Variants in GRID1 observed in about 807,000 individuals in gnomAD.
GRID1 encodes the protein glutamate ionotropic receptor delta type subunit 1, also known as glutamate receptor ionotropic, delta-1.
GRID1 carries 28 observed loss-of-function variants against 98.0 expected under a neutral mutation model. The ratio of observed to expected loss-of-function variants is 0.29; its 90% confidence interval spans 0.21 to 0.39. GRID1 has a LOEUF of 0.39. Ranked by LOEUF, GRID1 falls within the 10% of genes least tolerant of loss-of-function variation. GRID1 has a pLI of 1.00. For synonymous variants in GRID1, 553 were observed against 538.5 expected, an observed-to-expected ratio of 1.03 and a Z score of -0.37; for missense variants, 1,111 against 1,340.5, an observed-to-expected ratio of 0.83 and a Z score of 2.67.
At chr10:86,322,515 A>C (rs1431400801) in intron 2 of GRID1, among the ~76,000 whole-genome samples, 4 of 151,814 alleles carry the variant, frequency 2.6e-5, no homozygotes, top group African/African-American at 9.7e-5. Context: ...GGTTCAAGTG[A>C]TTCTCCTGCC....
chr10:85,605,860 C>A (rs1178146825), intron 15 of GRID1: 4 of 152,200 alleles, frequency 2.6e-5, no homozygotes, highest in Non-Finnish European at 5.9e-5. Context: ...GCCAGGGAAA[C>A]AAACATGGGA....
chr10:85,668,401 T>C (rs1841047901), intron 12 of GRID1, among the ~76,000 whole-genome samples: 1 of 152,146 alleles, frequency 6.6e-6, no homozygotes. Context: ...AGCTCTGAAG[T>C]GGAAGCAGGA....
rs1413248742 is a variant in GRID1 at position 86,330,034 on chromosome 10, A to G, written c.235+33907T>C. 3.3e-5 allele frequency among the ~76,000 whole-genome samples: 5 copies of G among 151,126 alleles called. No individual in the cohort carries two copies. In the East Asian group the frequency reaches 9.7e-4, roughly 29 times the overall value. Reference sequence around the variant, plus strand: ...TAGCCAGCAGGACTTTCCTCCCCTCATTGCCTCCCCACAAAGTCCTTCCCC... The same window carrying G: ...TAGCCAGCAGGACTTTCCTCCCCTCGTTGCCTCCCCACAAAGTCCTTCCCC... On this transcript the variant is annotated intron_variant, in intron 2 of 15. Transcript: ENST00000327946.
intron 12 of GRID1, among the ~76,000 whole-genome samples, chr10:85,655,476 T>C (rs1313575875): frequency 6.6e-6 from 1 of 152,222 alleles, no homozygotes. Flanking sequence ...GTTCATGTTT[T>C]CTGGAAGAAT....
At chr10:85,609,123 T>C (rs1842704983) in intron 15 of GRID1, among the ~76,000 whole-genome samples, 1 of 152,182 alleles carries the variant, frequency 6.6e-6, no homozygotes, top group Non-Finnish European at 1.5e-5. Context: ...TTTGACAAGC[T>C]TGCGCCTGGG....
chr10:85,832,589 C>T (rs1023218155), intron 8 of GRID1, among the ~76,000 whole-genome samples: 3 of 152,012 alleles, frequency 2.0e-5, no homozygotes, highest in African/African-American at 7.3e-5. Context: ...CTGCTATGTA[C>T]AACTACAAAC....
At chr10:85,874,824 C>A (rs1421563287) in intron 5 of GRID1, among the ~76,000 whole-genome samples, 1 of 152,002 alleles carries the variant, frequency 6.6e-6, no homozygotes, top group Non-Finnish European at 1.5e-5. Flanking sequence ...TGAATATTGG[C>A]TATTTTTAAT....
At chr10:85,899,100 A>G (rs143959195) in intron 5 of GRID1, among the ~76,000 whole-genome samples, 47 of 152,314 alleles carry the variant, frequency 3.1e-4, no homozygotes, top group Middle Eastern at 6.8e-3. Context: ...CTGCTGTTGT[A>G]CATAGGGTTC....
chr10:85,889,294 T>A (rs1434196823), intron 5 of GRID1, among the ~76,000 whole-genome samples: 1 of 151,562 alleles, frequency 6.6e-6, no homozygotes, highest in East Asian at 1.9e-4. Context: ...AGAAAAGGAG[T>A]TTCAATTTTG....
intron 2 of GRID1, among the ~76,000 whole-genome samples, chr10:86,292,828 G>A (rs1307976908): frequency 6.6e-6 from 1 of 151,980 alleles, no homozygotes; most frequent in African/African-American, 2.4e-5. Flanking sequence ...ACGTGAGTTT[G>A]TGTGGGACTG....
intron 5 of GRID1, among the ~76,000 whole-genome samples, chr10:85,912,776 C>T (rs554146314): frequency 6.6e-6 from 1 of 152,214 alleles, no homozygotes; most frequent in Non-Finnish European, 1.5e-5. Flanking sequence ...GAAAGTGAGC[C>T]AGTAAATGCC....
intron 12 of GRID1, among the ~76,000 whole-genome samples, chr10:85,696,293 G>C (rs1188568658): frequency 1.3e-5 from 2 of 151,790 alleles, no homozygotes. Context: ...AAAGTATAGG[G>C]TCTATGACAT....
chr10:85,776,175 T>G (rs1842329229), intron 8 of GRID1, among the ~76,000 whole-genome samples: 1 of 152,142 alleles, frequency 6.6e-6, no homozygotes, highest in African/African-American at 2.4e-5. Context: ...AGGAAATGGT[T>G]GGTGTAAGGC....
intron 8 of GRID1, among the ~76,000 whole-genome samples, chr10:85,776,205 G>C (rs1417612945): frequency 6.6e-6 from 1 of 152,060 alleles, no homozygotes; most frequent in East Asian, 1.9e-4. Flanking sequence ...TCCAAGAGAA[G>C]ACTACAAAGA....
intron 12 of GRID1, among the ~76,000 whole-genome samples, chr10:85,653,850 C>T (rs1252482505): frequency 8.5e-5 from 13 of 152,130 alleles, no homozygotes; most frequent in Admixed American, 8.5e-4. Context: ...AAGGTGCACA[C>T]CAAATGCAGC....
intron 3 of GRID1, among the ~76,000 whole-genome samples, chr10:86,185,296 T>G (rs1337856324): frequency 6.6e-6 from 1 of 152,192 alleles, no homozygotes; most frequent in Non-Finnish European, 1.5e-5. Context: ...TGCTAGTATG[T>G]AGATACAATG....
chr10:85,623,745 C>A (rs1842881804), intron 13 of GRID1, among the ~76,000 whole-genome samples: 1 of 152,228 alleles, frequency 6.6e-6, no homozygotes, highest in Admixed American at 6.5e-5. Context: ...AGCATGTCTA[C>A]CCCTTTCTTG....
chr10:86,103,480 C>T (rs1455274160), intron 4 of GRID1, among the ~76,000 whole-genome samples: 1 of 152,196 alleles, frequency 6.6e-6, no homozygotes. Flanking sequence ...TGTAAGGAGG[C>T]TCAACTGCAC....
At chr10:85,867,886 C>A (rs1320181017) in intron 6 of GRID1, among the ~76,000 whole-genome samples, 1 of 152,250 alleles carries the variant, frequency 6.6e-6, no homozygotes, top group African/African-American at 2.4e-5. Context: ...TCCGTTGAGG[C>A]ATGTTTCCTT....
Sources: gnomAD v4.1 joint callset for allele counts (sites outside exome capture counted in the v4.1 genomes callset) on GRCh38, gnomAD v4.1.1 for gene constraint, MANE v1.5 for transcripts, NCBI Gene and HGNC (gene_info 2026-07-23, HGNC 2026-07-21) for gene names.